CCDC88C: variants seen among roughly 807,000 people sequenced by gnomAD.
CCDC88C encodes coiled-coil and HOOK domain protein 88C.
Under a neutral mutation model 198.8 loss-of-function variants are expected in CCDC88C, and 131 were observed. That is an observed-to-expected ratio of 0.66 (90% CI 0.57 to 0.76). The LOEUF (loss-of-function observed/expected upper bound fraction) is 0.76, where lower values mean the gene tolerates loss of function less well. Ranked by LOEUF, CCDC88C falls within the 30% of genes least tolerant of loss-of-function variation. The pLI is 0.00. For missense variants in CCDC88C, 2,553 were observed against 2,631.6 expected (o/e 0.97, Z 0.65); for synonymous variants, 1,166 against 1,114.7 (o/e 1.05, Z -0.92).
chr14:91,374,710 T>C (rs1370891498), intron 3 of CCDC88C, among the ~76,000 whole-genome samples: 3 of 152,228 alleles, frequency 2.0e-5, no homozygotes, highest in African/African-American at 7.2e-5. Context: ...TGGCAGCATC[T>C]GCAGTGGTCT....
intron 3 of CCDC88C, among the ~76,000 whole-genome samples, chr14:91,401,315 A>C (rs898474446): frequency 5.9e-5 from 6 of 101,648 alleles, no homozygotes; most frequent in South Asian, 2.9e-4. Context: ...GTATATATTT[A>C]TTATATATTA....
At position 91,273,015 on chromosome 14, in the gene CCDC88C, C is replaced by A; in HGVS notation, c.5697G>T (p.Leu1899=). 1 of 1,553,524 alleles carries A rather than the reference C, an allele frequency of 6.4e-7. No individual in the cohort carries two copies. The highest frequency in any genetic ancestry group is 1.2e-5 in the South Asian group (1 of 85,458). ...APPKEERLAP[L]HQSATAPAIA... is the part of the protein sequence containing the mutation. Reference sequence around the variant, plus strand: ...TGGCGGGGGCTGTGGCAGACTGATGCAGGGGGGCCAGCCTCTCCTCCTTTG... The same window carrying A: ...TGGCGGGGGCTGTGGCAGACTGATGAAGGGGGGCCAGCCTCTCCTCCTTTG... The change falls in exon 30 of 30, where the codon CTG becomes CTT. Residue 1899 remains leucine (L), a synonymous_variant. Transcript: ENST00000389857. The surrounding 1 kb of genome is among the most constrained non-coding windows in gnomAD (Gnocchi z 5.6).
chr14:91,414,521 T>A (rs1886947237), intron 2 of CCDC88C, among the ~76,000 whole-genome samples: 1 of 152,198 alleles, frequency 6.6e-6, no homozygotes, highest in Non-Finnish European at 1.5e-5. Flanking sequence ...GCAGGACATT[T>A]CAACTACCCT....
At chr14:91,299,171 G>C (rs1169671613) in intron 21 of CCDC88C, among the ~76,000 whole-genome samples, 1 of 152,158 alleles carries the variant, frequency 6.6e-6, no homozygotes, top group Non-Finnish European at 1.5e-5. Flanking sequence ...GTTTCTGTTT[G>C]AAGATACCTT....
intron 23 of CCDC88C, among the ~76,000 whole-genome samples, chr14:91,292,749 C>T (rs572634148): frequency 1.3e-5 from 2 of 152,160 alleles, no homozygotes; most frequent in African/African-American, 4.8e-5. Flanking sequence ...ACAGCCCAAC[C>T]ACCATGGCTA....
intron 6 of CCDC88C, chr14:91,342,109 T>C (rs1596090457): frequency 2.8e-6 from 1 of 361,128 alleles, no homozygotes; most frequent in Admixed American, 4.2e-5. Context: ...TGAGTCCATA[T>C]AAGGCAAAAA....
chr14:91,360,035 A>G (rs17803366), intron 3 of CCDC88C, among the ~76,000 whole-genome samples: 15,358 of 152,288 alleles, frequency 0.1, 977 homozygotes, highest in Non-Finnish European at 0.15. Context: ...GGTCTTGGAA[A>G]AAAAGGCAAT....
In CCDC88C at chr14:91,288,294, A is replaced by G. The variant is rs1030097116; in HGVS notation, c.4441+811T>C. On this transcript the variant is annotated intron_variant, in intron 25 of 29. Transcript: ENST00000389857. The surrounding 1 kb of genome is among the most constrained non-coding windows in gnomAD (Gnocchi z 4.2). ...GAACCTCTGGCAAACTCCAAAGGAC[A>G]GCCCTTAGGGAAAAGGCACAGTGTG... Among the ~76,000 whole-genome samples the G allele has an allele frequency of 6.6e-6, 1 of 152,244 alleles. No individual in the cohort carries two copies. Among genetic ancestry groups the G allele is most frequent in the African/African-American group, 2.4e-5 (1 of 41,466 alleles).
At chr14:91,327,954 G>A (rs570847398) in intron 10 of CCDC88C, among the ~76,000 whole-genome samples, 1 of 152,362 alleles carries the variant, frequency 6.6e-6, no homozygotes, top group South Asian at 2.1e-4. Flanking sequence ...ACCCAAGTCA[G>A]GCTTCTGGGC....
At chr14:91,392,604 C>A (rs1186429357) in intron 3 of CCDC88C, among the ~76,000 whole-genome samples, 1 of 152,136 alleles carries the variant, frequency 6.6e-6, no homozygotes, top group Non-Finnish European at 1.5e-5. Flanking sequence ...GTTTCCATAC[C>A]AGCGATGCAT....
intron 25 of CCDC88C, chr14:91,285,846 TATCA>T: frequency 7.8e-7 from 1 of 1,279,008 alleles, no homozygotes; most frequent in Non-Finnish European, 1.0e-6. Context: ...GCTAAATTGT[TATCA>T]ATCGGATAAC....
intron 19 of CCDC88C, 24 bp from the exon 20 acceptor site, chr14:91,304,002 G>A (rs1209076229): frequency 6.3e-6 from 10 of 1,590,126 alleles, no homozygotes; most frequent in South Asian, 3.3e-5. Flanking sequence ...GAAGCGCGGC[G>A]TGGCGCAGGC....
chr14:91,348,376 G>C (rs916255542), intron 4 of CCDC88C, among the ~76,000 whole-genome samples: 3 of 151,542 alleles, frequency 2.0e-5, no homozygotes, highest in African/African-American at 7.3e-5. Flanking sequence ...TATTTGGGAG[G>C]CTGAGGTAGG....
chr14:91,325,064 G>T lies in CCDC88C; in HGVS notation c.1198-141C>A. 1 of 1,102,764 alleles carries T rather than the reference G, an allele frequency of 9.1e-7. No individual in the cohort carries two copies. The highest frequency in any genetic ancestry group is 1.3e-6 in the Non-Finnish European group (1 of 769,248). The allele number at this position is 1,102,764 out of a possible 1,614,324, so 68.3% of individuals were successfully genotyped here. On this transcript the variant is annotated intron_variant, in intron 11 of 29. Coordinates refer to ENST00000389857, the MANE Select transcript of CCDC88C (RefSeq NM_001080414.4). This position sits in a 1 kb window ranked among gnomAD's most constrained non-coding sequence, Gnocchi z 4.1. ...ACTTCCAAATAAACAGAGCTGCACA[G>T]AAACATCCCAACACAGGGCCCTGCT...
chr14:91,327,309 G>C (rs888305516), intron 10 of CCDC88C, among the ~76,000 whole-genome samples: 1 of 152,198 alleles, frequency 6.6e-6, no homozygotes, highest in Non-Finnish European at 1.5e-5. Flanking sequence ...CACACTTTCC[G>C]GCCAGCGGAC....
intron 23 of CCDC88C, 116 bp from the exon 24 acceptor site, chr14:91,291,200 G>C: frequency 1.5e-6 from 1 of 653,348 alleles, no homozygotes. Flanking sequence ...TTCCAGGATT[G>C]AGATGAGGGT....
Position 91,400,932 on chromosome 14 carries a change from G to A in CCDC88C, c.270+7727C>T, listed in dbSNP as rs142814736. Among the ~76,000 whole-genome samples the A allele has an allele frequency of 1.1e-4, 16 of 152,256 alleles. No homozygotes were observed. In the East Asian group the frequency reaches 2.9e-3, roughly 28 times the overall value. ...GACTTATGTACCAAGTATGTTCACA[G>A]TGGTATGGTTTATAATTCTGAGACA... On this transcript the variant is annotated intron_variant, in intron 3 of 29. Coordinates refer to ENST00000389857, the MANE Select transcript of CCDC88C (RefSeq NM_001080414.4).
intron 5 of CCDC88C, 61 bp downstream of exon 5, chr14:91,343,538 G>A (rs914738911): frequency 7.5e-6 from 12 of 1,604,246 alleles, no homozygotes; most frequent in South Asian, 6.7e-5. Context: ...GTCAAGTCCC[G>A]CAAACCCAAT....
chr14:91,377,788 G>C (rs369837631), intron 3 of CCDC88C, among the ~76,000 whole-genome samples: 12 of 152,340 alleles, frequency 7.9e-5, no homozygotes, highest in African/African-American at 2.9e-4. Context: ...GGGTGTCAGG[G>C]ACCAGTCTCT....
Sources: gnomAD v4.1 joint callset for allele counts (sites outside exome capture counted in the v4.1 genomes callset) on GRCh38, gnomAD v4.1.1 for gene constraint, Gnocchi (gnomAD v3.1) non-coding constraint, MANE v1.5 for transcripts, NCBI Gene and HGNC (gene_info 2026-07-23, HGNC 2026-07-21) for gene names.